Variants in MRC2 observed in about 807,000 individuals in gnomAD.
MRC2 encodes the protein mannose receptor C-type 2.
In MRC2, 84 loss-of-function variants were observed where a neutral mutation model predicts 206.2. That is an observed-to-expected ratio of 0.41 (90% CI 0.34 to 0.49). MRC2 has a LOEUF of 0.49. Ranked by LOEUF, MRC2 falls within the 20% of genes least tolerant of loss-of-function variation. The pLI, the probability that MRC2 is intolerant of heterozygous loss-of-function variation, is 0.31. For missense variants in MRC2, 1,676 were observed against 2,001.5 expected (o/e 0.84, Z 3.10); for synonymous variants, 798 against 800.0 (o/e 1.00, Z 0.04).
chr17:62,646,023 ATT>A (rs34679697), intron 1 of MRC2, among the ~76,000 whole-genome samples: 171 of 106,354 alleles, frequency 1.6e-3, no homozygotes, highest in African/African-American at 5.7e-3. Flanking sequence ...GTCCTTTTCT[ATT>A]TTTTTTTTTT....
intron 1 of MRC2, among the ~76,000 whole-genome samples, chr17:62,648,336 G>A (rs1388216170): frequency 2.0e-5 from 3 of 152,214 alleles, no homozygotes; most frequent in African/African-American, 4.8e-5. Flanking sequence ...CCCGGGAGGC[G>A]GAGGTTGCGT....
At chr17:62,681,291 A>G (rs1468904216) in intron 18 of MRC2, 162 bp downstream of exon 18, 4 of 790,868 alleles carry the variant, frequency 5.1e-6, no homozygotes, top group Middle Eastern at 3.4e-4. Context: ...TCTCATCTGA[A>G]AATGGGAATA....
Position 62,690,545 on chromosome 17 carries a change from C to T in MRC2, c.3893-97C>T. On this transcript the variant is annotated intron_variant, in intron 26 of 29. Coordinates refer to ENST00000303375, the MANE Select transcript of MRC2 (RefSeq NM_006039.5). ...GAATCCACAGACTCCACACCATCCT[C>T]TACTCAGGCTGCAGAGAAGAGGGCT... 4.0e-6 allele frequency: 6 copies of T among 1,505,798 alleles called. No homozygotes were observed. The South Asian group carries it at 5.4e-5, about 13-fold the overall frequency. The allele number at this position is 1,505,798 out of a possible 1,614,324, so 93.3% of individuals were successfully genotyped here.
rs562497939 is a variant in MRC2, at chr17:62,630,943, A to G, written c.118+3023A>G. On this transcript the variant is annotated intron_variant, in intron 1 of 29. Coordinates refer to ENST00000303375, the MANE Select transcript of MRC2 (RefSeq NM_006039.5). ...ACCCTCTGGCTCTCTGTGAGTCATC[A>G]GGGCCCAGGAGGTGCCCAGCCGAGC... is the stretch of plus-strand genomic sequence containing the variant. Among the ~76,000 whole-genome samples the G allele has an allele frequency of 9.5e-4, 144 of 152,200 alleles. No homozygotes were observed. In the Middle Eastern group the frequency reaches 0.01, roughly 11 times the overall value.
At chr17:62,679,353 C>T (rs557075782) in intron 13 of MRC2, 6 of 162,104 alleles carry the variant, frequency 3.7e-5, no homozygotes, top group South Asian at 3.4e-4. Flanking sequence ...ATGGAGCAGA[C>T]GTTAACCCCT....
chr17:62,666,934 G>T lies in MRC2; in HGVS notation c.973+64G>T. The T allele has an allele frequency of 2.4e-6, 3 of 1,245,322 alleles. No individual in the cohort carries two copies. The highest frequency in any genetic ancestry group is 3.5e-6 in the Non-Finnish European group (3 of 860,932). The allele number at this position is 1,245,322 out of a possible 1,614,324, so 77.1% of individuals were successfully genotyped here. A position where few individuals can be genotyped will look rare whatever the true frequency, so the allele number is the denominator to read the frequency against. On this transcript the variant is annotated intron_variant, in intron 5 of 29. Transcript: ENST00000303375. This position sits in a 1 kb window ranked among gnomAD's most constrained non-coding sequence, Gnocchi z 5.0. ...CCCCGCGGGCTCTTGGCCTCCCATGGACTCCTCTCCTCATGTCCTCCTGCA... is the reference window on the plus strand; with the variant it reads ...CCCCGCGGGCTCTTGGCCTCCCATGTACTCCTCTCCTCATGTCCTCCTGCA...
chr17:62,682,626 A>G (rs947636359), intron 20 of MRC2, among the ~76,000 whole-genome samples: 1 of 151,868 alleles, frequency 6.6e-6, no homozygotes, highest in Non-Finnish European at 1.5e-5. Flanking sequence ...GTTCTAGATC[A>G]GTGATTGCCA....
At chr17:62,688,065 G>A (rs1244283191) in intron 20 of MRC2, among the ~76,000 whole-genome samples, 2 of 152,162 alleles carry the variant, frequency 1.3e-5, no homozygotes, top group Non-Finnish European at 2.9e-5. Flanking sequence ...CCTCCCATTT[G>A]AAGATCCCCT....
chr17:62,658,912 T>C (rs1568057786), intron 1 of MRC2, among the ~76,000 whole-genome samples: 3 of 152,140 alleles, frequency 2.0e-5, no homozygotes, highest in African/African-American at 7.2e-5. Flanking sequence ...TGGTTTCTGG[T>C]TTCTGGTGGG....
chr17:62,640,476 A>G (rs945228697), intron 1 of MRC2, among the ~76,000 whole-genome samples: 7 of 152,096 alleles, frequency 4.6e-5, no homozygotes, highest in Non-Finnish European at 7.4e-5. Flanking sequence ...AGAGTGCCAC[A>G]AATAATCTCA....
Position 62,680,159 on chromosome 17 carries a change from GCCT to G in MRC2, c.2299-5_2299-3del. On this transcript the variant is annotated splice_polypyrimidine_tract_variant and splice_region_variant and intron_variant, in intron 14 of 29. Coordinates refer to ENST00000303375, the MANE Select transcript of MRC2 (RefSeq NM_006039.5). The surrounding 1 kb of genome is among the most constrained non-coding windows in gnomAD (Gnocchi z 4.8). ...CCTCACGTTCCTCTTCCCTCCACCC[GCCT>G]CCTCCAGTTCTCTTACCACAATTTC... The G allele has an allele frequency of 1.2e-6, 2 of 1,613,964 alleles. No individual in the cohort carries two copies. The highest frequency in any genetic ancestry group is 1.7e-6 in the Non-Finnish European group (2 of 1,179,950).
At chr17:62,636,305 CAAGT>C (rs1170021220) in intron 1 of MRC2, among the ~76,000 whole-genome samples, 14 of 151,042 alleles carry the variant, frequency 9.3e-5, no homozygotes, top group Admixed American at 5.3e-4. Flanking sequence ...AAACCATACA[CAAGT>C]AAGTGCAAAA....
intron 1 of MRC2, among the ~76,000 whole-genome samples, chr17:62,644,906 C>A (rs1455969181): frequency 8.5e-5 from 13 of 152,114 alleles, no homozygotes; most frequent in Admixed American, 7.9e-4. Context: ...CCATTAATAG[C>A]CCCCTACCGC....
Position 62,666,202 on chromosome 17 carries a change from AC to A in MRC2, c.631del (p.Leu211CysfsTer34). 2 of 1,604,062 alleles carry A rather than the reference AC, an allele frequency of 1.2e-6. No homozygotes were observed. Among genetic ancestry groups the A allele is most frequent in the Admixed American group, 1.7e-5 (1 of 58,234 alleles). Reference protein sequence around the residue: ...GCTSTGREDGHLWCATTQDYG... With the variant: ...GCTSTGREDGXLWCATTQDYG... The stretch of plus-strand genomic sequence containing the variant: ...ACCAGCACGGGCCGCGAGGATGGTC[AC>A]CTGTGGTGTGCCACCACCCAGGACT... On this transcript the variant is annotated frameshift_variant, in exon 3 of 30. Transcript: ENST00000303375. LOFTEE classifies it high-confidence loss of function. This position sits in a 1 kb window ranked among gnomAD's most constrained non-coding sequence, Gnocchi z 5.0.
chr17:62,633,724 C>T (rs559655734), intron 1 of MRC2, among the ~76,000 whole-genome samples: 1 of 150,126 alleles, frequency 6.7e-6, no homozygotes, highest in Admixed American at 6.7e-5. Context: ...TCCTGTAGTC[C>T]CAGCTACTGG....
At chr17:62,630,926 GCTCT>G (rs1033616556) in intron 1 of MRC2, among the ~76,000 whole-genome samples, 3 of 152,020 alleles carry the variant, frequency 2.0e-5, no homozygotes, top group Non-Finnish European at 4.4e-5. Context: ...CAACCCTCTG[GCTCT>G]CTGTGAGTCA....
chr17:62,690,587 A>C (rs1030196957), intron 26 of MRC2, 55 bp from the exon 27 acceptor site: 3 of 1,417,904 alleles, frequency 2.1e-6, no homozygotes, highest in Non-Finnish European at 2.8e-6. Flanking sequence ...GCTCTGGGGG[A>C]CTCTGCCCCC....
intron 1 of MRC2, among the ~76,000 whole-genome samples, chr17:62,634,221 G>C (rs577260137): frequency 1.3e-5 from 2 of 152,088 alleles, no homozygotes; most frequent in Non-Finnish European, 2.9e-5. Context: ...GTAAACTGTC[G>C]TGGCGCTGAT....
intron 1 of MRC2, among the ~76,000 whole-genome samples, chr17:62,638,930 A>G (rs1467756949): frequency 6.6e-6 from 1 of 151,628 alleles, no homozygotes; most frequent in Non-Finnish European, 1.5e-5. Context: ...AAAGCAAAAT[A>G]AAACAAAAAT....
Sources: gnomAD v4.1 joint callset for allele counts (sites outside exome capture counted in the v4.1 genomes callset) on GRCh38, gnomAD v4.1.1 for gene constraint, Gnocchi (gnomAD v3.1) non-coding constraint, MANE v1.5 for transcripts, NCBI Gene and HGNC (gene_info 2026-07-23, HGNC 2026-07-21) for gene names.